The following EIF4G3 variants were observed in gnomAD, a reference collection of about 807,000 sequenced individuals.
The protein encoded by EIF4G3 is eukaryotic translation initiation factor 4 gamma 3.
Under a neutral mutation model 186.4 loss-of-function variants are expected in EIF4G3, and 34 were observed. That is an observed-to-expected ratio of 0.18 (90% CI 0.14 to 0.24). The LOEUF is 0.24. EIF4G3 is among the 10% of genes least tolerant of loss of function. The pLI, the probability that EIF4G3 is intolerant of heterozygous loss-of-function variation, is 1.00. For missense variants in EIF4G3, 1,536 were observed against 1,948.5 expected (o/e 0.79, Z 3.99); for synonymous variants, 673 against 679.5 (o/e 0.99, Z 0.15).
chr1:21,030,903 C>A (rs1387750159), intron 4 of EIF4G3, among the ~76,000 whole-genome samples: 1 of 152,084 alleles, frequency 6.6e-6, no homozygotes, highest in African/African-American at 2.4e-5. Flanking sequence ...AAAAAAGGAT[C>A]AGCCGGGTGT....
chr1:21,176,483 A>G (rs1454377817), intron 1 of EIF4G3, 125 bp from the exon 2 acceptor site: 1 of 131,082 alleles, frequency 7.6e-6, no homozygotes, highest in Non-Finnish European at 1.6e-5. Context: ...ATGGGGGCAG[A>G]CCCGGGGAGG....
chr1:20,939,907 T>G (rs563861656), intron 14 of EIF4G3, among the ~76,000 whole-genome samples: 2 of 136,334 alleles, frequency 1.5e-5, no homozygotes. Context: ...CAGGCTGGAG[T>G]GTGGCGGCAC....
intron 29 of EIF4G3, among the ~76,000 whole-genome samples, chr1:20,846,592 T>C (rs183906188): frequency 1.3e-5 from 2 of 152,354 alleles, no homozygotes; most frequent in East Asian, 3.9e-4. Context: ...TACCTATCTT[T>C]AGGGCCAGAC....
intron 3 of EIF4G3, among the ~76,000 whole-genome samples, chr1:21,081,143 T>G (rs1426690854): frequency 2.0e-5 from 3 of 152,154 alleles, no homozygotes; most frequent in Non-Finnish European, 4.4e-5. Context: ...TTTAAAAATA[T>G]GTACTTGGGC....
At chr1:21,040,970 T>C (rs1382225242) in intron 4 of EIF4G3, among the ~76,000 whole-genome samples, 1 of 152,080 alleles carries the variant, frequency 6.6e-6, no homozygotes, top group African/African-American at 2.4e-5. Context: ...TTTTAACACT[T>C]TCCCTTTTTT....
intron 32 of EIF4G3, among the ~76,000 whole-genome samples, chr1:20,826,054 T>C (rs1457686654): frequency 1.3e-5 from 2 of 152,218 alleles, no homozygotes; most frequent in Non-Finnish European, 2.9e-5. Flanking sequence ...GAACCAGAAT[T>C]TGAACTCGGC....
intron 2 of EIF4G3, among the ~76,000 whole-genome samples, chr1:21,159,876 C>G (rs578049184): frequency 1.7e-4 from 26 of 152,106 alleles, no homozygotes; most frequent in African/African-American, 6.3e-4. Flanking sequence ...GGAGGCCAAG[C>G]GGGTGGATCA....
chr1:21,062,551 C>G (rs1005658220), intron 3 of EIF4G3, among the ~76,000 whole-genome samples: 4 of 152,106 alleles, frequency 2.6e-5, no homozygotes, highest in African/African-American at 9.7e-5. Flanking sequence ...AAGACGTAAG[C>G]AGTAGATATA....
At chr1:20,813,039 C>T in intron 35 of EIF4G3, 119 bp downstream of exon 35, 1 of 684,720 alleles carries the variant, frequency 1.5e-6, no homozygotes, top group Non-Finnish European at 2.5e-6. Context: ...GGACAGTGCA[C>T]AGAAAAGTGA....
chr1:21,051,590 G>A (rs911880794), intron 3 of EIF4G3, among the ~76,000 whole-genome samples: 2 of 152,168 alleles, frequency 1.3e-5, no homozygotes, highest in African/African-American at 2.4e-5. Context: ...TGTGGCTTAT[G>A]CCTGTAATCC....
chr1:21,020,735 A>C (rs12406144), intron 4 of EIF4G3, among the ~76,000 whole-genome samples: 44,355 of 152,150 alleles, frequency 0.29, 8,138 homozygotes, highest in Non-Finnish European at 0.41. Context: ...ATCCCATTAA[A>C]TATTCAAACA....
intron 14 of EIF4G3, among the ~76,000 whole-genome samples, chr1:20,927,555 T>TG (rs1042965837): frequency 6.6e-6 from 1 of 152,042 alleles, no homozygotes; most frequent in African/African-American, 2.4e-5. Context: ...GTCTGTGAAA[T>TG]GGAGTGAAAA....
At chr1:20,846,277 A>C (rs1053188759) in intron 29 of EIF4G3, among the ~76,000 whole-genome samples, 1 of 152,002 alleles carries the variant, frequency 6.6e-6, no homozygotes, top group African/African-American at 2.4e-5. Context: ...AATATGCTTT[A>C]TTTCTTTCTC....
At chr1:20,880,755 CAAAAA>C (rs775701996) in intron 19 of EIF4G3, among the ~76,000 whole-genome samples, 10 of 151,134 alleles carry the variant, frequency 6.6e-5, no homozygotes, top group Non-Finnish European at 3.0e-5. Context: ...TGTCTCAAAA[CAAAAA>C]AGATGGAAAA....
chr1:20,868,090 C>CTTTTTTTTTTTTTTT lies in EIF4G3; in HGVS notation c.2623-2843_2623-2829dup, dbSNP rs66560662. ...GAGAATAGTGATTCATGGTGATTTT[C>CTTTTTTTTTTTTTTT]TTTTTTTTTTTTTTTTGTCCTTAGG... On this transcript the variant is annotated intron_variant, in intron 20 of 36. Coordinates refer to ENST00000602326, the MANE Select transcript of EIF4G3 (RefSeq NM_001391906.1). Among the ~76,000 whole-genome samples, 701 of 90,258 alleles carry CTTTTTTTTTTTTTTT rather than the reference C, an allele frequency of 7.8e-3. 23 individuals carry two copies. The highest frequency in any genetic ancestry group is 0.016 in the Middle Eastern group (1 of 64). 59.2% of individuals were successfully genotyped at this position (90,258 alleles called of 152,430 possible). A position where few individuals can be genotyped will look rare whatever the true frequency, so the allele number is the denominator to read the frequency against.
intron 14 of EIF4G3, among the ~76,000 whole-genome samples, chr1:20,940,831 G>C (rs372791865): frequency 2.0e-5 from 3 of 152,244 alleles, no homozygotes; most frequent in East Asian, 3.9e-4. Flanking sequence ...AAGGTCCCAG[G>C]TGATGCTACA....
chr1:20,980,464 T>C lies in EIF4G3; in HGVS notation c.379-16A>G. The C allele has an allele frequency of 6.7e-7, 1 of 1,485,912 alleles. No homozygotes were observed. 92.0% of individuals were successfully genotyped at this position (1,485,912 alleles called of 1,614,324 possible). Reference sequence around the variant, plus strand: ...TATGACGGTACTAGAAAAGAGAAAGTATGAATATTTATAAATAATATGGTA... The same window carrying C: ...TATGACGGTACTAGAAAAGAGAAAGCATGAATATTTATAAATAATATGGTA... On this transcript the variant is annotated splice_polypyrimidine_tract_variant and intron_variant, in intron 9 of 36. Coordinates refer to ENST00000602326, the MANE Select transcript of EIF4G3 (RefSeq NM_001391906.1).
Position 20,973,105 on chromosome 1 carries a change from A to G in EIF4G3, c.494-6T>C. Reference sequence around the variant, plus strand: ...ACTTGGGTAAAAAGGCGTTCCTAAAAAGTTGGAAAAAATTAAATAGGCATT... The same window carrying G: ...ACTTGGGTAAAAAGGCGTTCCTAAAGAGTTGGAAAAAATTAAATAGGCATT... On this transcript the variant is annotated splice_region_variant and splice_polypyrimidine_tract_variant and intron_variant, in intron 10 of 36. Transcript: ENST00000602326. 1.9e-6 allele frequency: 3 copies of G among 1,605,904 alleles called. No homozygotes were observed. Among genetic ancestry groups the G allele is most frequent in the Non-Finnish European group, 2.5e-6 (3 of 1,177,204 alleles).
Position 20,997,611 on chromosome 1 carries a change from G to A in EIF4G3, c.167C>T (p.Pro56Leu). 6.5e-7 allele frequency: 1 copy of A among 1,547,914 alleles called. No individual in the cohort carries two copies. The highest frequency in any genetic ancestry group is 8.7e-7 in the Non-Finnish European group (1 of 1,145,760). Residue 56 changes from proline (P) to leucine (L), a missense_variant, in exon 7 of 37, where the codon CCC (proline) becomes CTC (leucine). Pro to Leu is a moderately conservative substitution (Grantham distance 98). Coordinates refer to ENST00000602326, the MANE Select transcript of EIF4G3 (RefSeq NM_001391906.1). ...GCAAGGGTACAGTACCTGATGATGG[G>A]GAGGTCGAGGCCCCGCTGCAAACTG... ...YCIFAAGPRP[P>L]HHQGGFRPIQ...
Sources: allele counts gnomAD v4.1 joint callset (sites outside exome capture counted in the v4.1 genomes callset), GRCh38; gene constraint gnomAD v4.1.1; transcripts MANE v1.5; gene names NCBI Gene and HGNC (gene_info 2026-07-23, HGNC 2026-07-21).